CAPN2: variants seen among roughly 807,000 people sequenced by gnomAD.
CAPN2 encodes the protein calpain-2 catalytic subunit.
CAPN2 carries 92 observed loss-of-function variants against 102.3 expected under a neutral mutation model. The observed-to-expected ratio is 0.90, with a 90% CI of 0.76 to 1.07. The LOEUF (loss-of-function observed/expected upper bound fraction) is 1.07, where lower values mean the gene tolerates loss of function less well. Among genes scored for constraint, CAPN2 ranks in the 50% least tolerant of loss-of-function variants. The pLI is 0.00. For missense variants in CAPN2, 800 were observed against 909.4 expected (o/e 0.88, Z 1.55); for synonymous variants, 340 against 355.4 (o/e 0.96, Z 0.49).
intron 20 of CAPN2, among the ~76,000 whole-genome samples, chr1:223,774,103 C>T (rs543351795): frequency 1.3e-5 from 2 of 152,274 alleles, no homozygotes; most frequent in Admixed American, 1.3e-4. Flanking sequence ...ATGTTAAGTT[C>T]TGGAAATCCT....
intron 2 of CAPN2, among the ~76,000 whole-genome samples, chr1:223,738,184 G>A (rs922331289): frequency 6.6e-6 from 1 of 151,744 alleles, no homozygotes; most frequent in African/African-American, 2.4e-5. Context: ...GTGAGACGGG[G>A]TCTTGTTCTG....
Position 223,749,137 on chromosome 1 carries a change from G to C in CAPN2, c.813+15G>C, listed in dbSNP as rs1338570615. The C allele has an allele frequency of 2.5e-6, 4 of 1,608,536 alleles. No individual in the cohort carries two copies. In the Admixed American group the frequency reaches 6.7e-5, roughly 27 times the overall value. On this transcript the variant is annotated intron_variant, in intron 6 of 20. Transcript: ENST00000295006. ...GAGCCGAGGAGGTAACGGCCGGCGC[G>C]GATGTGCAGGGGTCCTGCTGTCCTG... is the stretch of plus-strand genomic sequence containing the variant.
chr1:223,759,135 C>A lies in CAPN2; in HGVS notation c.1318-135C>A. ...CCCAGGCTGGTTTCTGACGCCTGGC[C>A]TCGCCTCCTTATACACCAGGACAGC... On this transcript the variant is annotated intron_variant, in intron 11 of 20. Coordinates refer to ENST00000295006, the MANE Select transcript of CAPN2 (RefSeq NM_001748.5). This position sits in a 1 kb window ranked among gnomAD's most constrained non-coding sequence, Gnocchi z 4.6. 1 of 805,788 alleles carries A rather than the reference C, an allele frequency of 1.2e-6. No individual in the cohort carries two copies. The highest frequency in any genetic ancestry group is 2.1e-6 in the Non-Finnish European group (1 of 475,476). The allele number at this position is 805,788 out of a possible 1,614,324, so 49.9% of individuals were successfully genotyped here.
At position 223,752,880 on chromosome 1, in the gene CAPN2, C is replaced by A. The variant is rs758588106; in HGVS notation, c.1059C>A (p.Tyr353Ter). The A allele has an allele frequency of 1.2e-5, 19 of 1,614,092 alleles. No individual in the cohort carries two copies. The highest frequency in any genetic ancestry group is 1.4e-5 in the Non-Finnish European group (17 of 1,180,022). Residue 353 changes from tyrosine to a stop codon, truncating the protein, a stop_gained, in exon 9 of 21, where the codon TAC becomes TAA. Transcript: ENST00000295006. LOFTEE classifies it high-confidence loss of function. ...CAGACACTCTCACCAGCGATACCTA[C>A]AAGAAGTGGAAACTCACCAAAATGG... ...LTPDTLTSDT[Y>*]KKWKLTKMDG...
chr1:223,736,220 T>G, intron 2 of CAPN2, among the ~76,000 whole-genome samples: 1 of 152,104 alleles, frequency 6.6e-6, no homozygotes, highest in East Asian at 1.9e-4. Context: ...CACACAGCCC[T>G]GGGCAGGAAG....
At chr1:223,739,153 G>A (rs879781694) in intron 2 of CAPN2, among the ~76,000 whole-genome samples, 1 of 150,814 alleles carries the variant, frequency 6.6e-6, no homozygotes, top group Non-Finnish European at 1.5e-5. Context: ...GGATCAAAAG[G>A]TTATCAACAG....
rs1338458629 is a variant in CAPN2, at chr1:223,752,971, A to G, written c.1135+15A>G. 1.9e-6 allele frequency: 3 copies of G among 1,613,292 alleles called. No homozygotes were observed. ...GAACTACCCGAGTAAGGGCTGTTGC[A>G]TATAAGGGCTGTTGCAATGCGGGGC... On this transcript the variant is annotated intron_variant, in intron 9 of 20. Coordinates refer to ENST00000295006, the MANE Select transcript of CAPN2 (RefSeq NM_001748.5).
chr1:223,746,873 A>G lies in CAPN2; in HGVS notation c.561-124A>G, dbSNP rs955798227. The stretch of plus-strand genomic sequence containing the variant: ...AGCACCCCGAGCTGGGAACAAGGCC[A>G]AGGAGAATGTGAGCAGGGGGTCCCT... On this transcript the variant is annotated intron_variant, in intron 4 of 20. Coordinates refer to ENST00000295006, the MANE Select transcript of CAPN2 (RefSeq NM_001748.5). 22 of 760,800 alleles carry G rather than the reference A, an allele frequency of 2.9e-5. No individual in the cohort carries two copies. The Admixed American group carries it at 5.6e-4, about 19-fold the overall frequency. 47.1% of individuals were successfully genotyped at this position (760,800 alleles called of 1,614,324 possible). A position where few individuals can be genotyped will look rare whatever the true frequency, so the allele number is the denominator to read the frequency against.
chr1:223,742,514 ATATAT>A lies in CAPN2; in HGVS notation c.308-1584_308-1580del, dbSNP rs200690916. On this transcript the variant is annotated intron_variant, in intron 2 of 20. Coordinates refer to ENST00000295006, the MANE Select transcript of CAPN2 (RefSeq NM_001748.5). ...TATATGTGTGTATATATATATATAT[ATATAT>A]TTTTTTTTTTTTTTTTGAGACAGGG... Among the ~76,000 whole-genome samples, 446 of 109,438 alleles carry A rather than the reference ATATAT, an allele frequency of 4.1e-3. 11 individuals are homozygous for A. The East Asian group carries it at 0.097, about 24-fold the overall frequency. 71.8% of individuals were successfully genotyped at this position (109,438 alleles called of 152,430 possible).
chr1:223,767,667 T>C (rs1661371829), intron 16 of CAPN2, among the ~76,000 whole-genome samples: 2 of 149,674 alleles, frequency 1.3e-5, no homozygotes, highest in South Asian at 2.1e-4. Context: ...CATGTGTCTT[T>C]ATAGCAGCAT....
At position 223,727,030 on chromosome 1, in the gene CAPN2, C is replaced by T. The variant is rs1426605554; in HGVS notation, c.307+9199C>T. On this transcript the variant is annotated intron_variant, in intron 2 of 20. Transcript: ENST00000295006. This position sits in a 1 kb window ranked among gnomAD's most constrained non-coding sequence, Gnocchi z 4.1. ...TCCTCCCTTCCAAAGCGAAGACCCACAGCTGCCTGAAAATGTGGCTCTCCG... is the reference window on the plus strand; with the variant it reads ...TCCTCCCTTCCAAAGCGAAGACCCATAGCTGCCTGAAAATGTGGCTCTCCG... Among the ~76,000 whole-genome samples the T allele has an allele frequency of 6.6e-6, 1 of 152,208 alleles. No homozygotes were observed. The highest frequency in any genetic ancestry group is 1.5e-5 in the Non-Finnish European group (1 of 68,040).
At chr1:223,732,996 G>A (rs1660369353) in intron 2 of CAPN2, among the ~76,000 whole-genome samples, 1 of 152,204 alleles carries the variant, frequency 6.6e-6, no homozygotes, top group South Asian at 2.1e-4. Flanking sequence ...AGAAAACCCA[G>A]TTATTTCCTG....
Position 223,725,073 on chromosome 1 carries a change from C to T in CAPN2, c.307+7242C>T, listed in dbSNP as rs1287705917. 6.6e-6 allele frequency among the ~76,000 whole-genome samples: 1 copy of T among 152,228 alleles called. No homozygotes were observed. Among genetic ancestry groups the T allele is most frequent in the African/African-American group, 2.4e-5 (1 of 41,454 alleles). ...AGTTAGGGACTGGCCTCTTATTCTGCCACATACTGGCTCTGTCATTTTGAG... is the reference window on the plus strand; with the variant it reads ...AGTTAGGGACTGGCCTCTTATTCTGTCACATACTGGCTCTGTCATTTTGAG... On this transcript the variant is annotated intron_variant, in intron 2 of 20. Coordinates refer to ENST00000295006, the MANE Select transcript of CAPN2 (RefSeq NM_001748.5). The surrounding 1 kb of genome is among the most constrained non-coding windows in gnomAD (Gnocchi z 4.1).
Position 223,725,513 on chromosome 1 carries a change from G to C in CAPN2, c.307+7682G>C, listed in dbSNP as rs1660168467. 6.6e-6 allele frequency among the ~76,000 whole-genome samples: 1 copy of C among 152,188 alleles called. No individual in the cohort carries two copies. The highest frequency in any genetic ancestry group is 2.4e-5 in the African/African-American group (1 of 41,440). The stretch of plus-strand genomic sequence containing the variant: ...TCCATGCAGATTGCACGTTCTCTTT[G>C]GGGACAGTACAGCTGGAGGGGAGTA... On this transcript the variant is annotated intron_variant, in intron 2 of 20. Coordinates refer to ENST00000295006, the MANE Select transcript of CAPN2 (RefSeq NM_001748.5). This position sits in a 1 kb window ranked among gnomAD's most constrained non-coding sequence, Gnocchi z 4.1.
chr1:223,736,308 C>T (rs1000164672), intron 2 of CAPN2, among the ~76,000 whole-genome samples: 3 of 152,160 alleles, frequency 2.0e-5, no homozygotes, highest in Non-Finnish European at 2.9e-5. Context: ...GGCAGTCAAG[C>T]GCCTAGAAGC....
intron 2 of CAPN2, among the ~76,000 whole-genome samples, chr1:223,718,931 C>A (rs1037229341): frequency 4.6e-5 from 7 of 152,158 alleles, no homozygotes; most frequent in African/African-American, 1.4e-4. Flanking sequence ...GCTAGACTCC[C>A]TAAGACGGGA....
chr1:223,705,803 G>A (rs1659591538), intron 1 of CAPN2, among the ~76,000 whole-genome samples: 1 of 152,204 alleles, frequency 6.6e-6, no homozygotes, highest in South Asian at 2.1e-4. Context: ...AGGGGCCATT[G>A]CTGCTGATGA....
chr1:223,732,224 G>C (rs886088565), intron 2 of CAPN2, among the ~76,000 whole-genome samples: 11 of 152,132 alleles, frequency 7.2e-5, no homozygotes, highest in African/African-American at 2.7e-4. Context: ...ACTAAGAAAG[G>C]GTTCTTGGAT....
chr1:223,709,065 G>A (rs1659674821), upstream of CAPN2, among the ~76,000 whole-genome samples: 1 of 152,092 alleles, frequency 6.6e-6, no homozygotes, highest in African/African-American at 2.4e-5. Flanking sequence ...ATGACCAGTG[G>A]GAGCTGACAG....
Sources: gnomAD v4.1 joint callset for allele counts (sites outside exome capture counted in the v4.1 genomes callset) on GRCh38, gnomAD v4.1.1 for gene constraint, Gnocchi (gnomAD v3.1) non-coding constraint, MANE v1.5 for transcripts, NCBI Gene and HGNC (gene_info 2026-07-23, HGNC 2026-07-21) for gene names.